The following MAP7D1 variants were observed in gnomAD, a reference collection of about 807,000 sequenced individuals.
The protein encoded by MAP7D1 is MAP7 domain-containing protein 1.
A neutral mutation model predicts 97.5 loss-of-function variants in MAP7D1; 30 were observed. The observed-to-expected ratio is 0.31, with a 90% CI of 0.23 to 0.42. MAP7D1 has a LOEUF of 0.42. Ranked by LOEUF, MAP7D1 falls within the 10% of genes least tolerant of loss-of-function variation. MAP7D1 has a pLI of 1.00. For synonymous variants in MAP7D1, 536 were observed against 477.1 expected, an observed-to-expected ratio of 1.12 and a Z score of -1.61; for missense variants, 1,184 against 1,179.5, an observed-to-expected ratio of 1.00 and a Z score of -0.06.
chr1:36,179,202 G>C, intron 12 of MAP7D1, 60 bp from the exon 13 acceptor site: 1 of 1,591,282 alleles, frequency 6.3e-7, no homozygotes, highest in Non-Finnish European at 8.6e-7. Context: ...GGTCTGGCTG[G>C]TGGGAGGTTT....
At chr1:36,168,994 G>C (rs1296840270) in intron 1 of MAP7D1, among the ~76,000 whole-genome samples, 1 of 152,198 alleles carries the variant, frequency 6.6e-6, no homozygotes, top group Non-Finnish European at 1.5e-5. Flanking sequence ...GCTCATGCCT[G>C]TAATCCCAGC....
rs886945886 is a variant in MAP7D1, at chr1:36,156,186, G to T, written c.-232G>T. 8 of 422,396 alleles carry T rather than the reference G, an allele frequency of 1.9e-5. No homozygotes were observed. In the Admixed American group the frequency reaches 2.7e-4, roughly 14 times the overall value. 26.2% of individuals were successfully genotyped at this position (422,396 alleles called of 1,614,324 possible). The stretch of plus-strand genomic sequence containing the variant: ...TTGGGCCGAGGCCGGGACTGGGCCG[G>T]CGCCGGGCGGGGAACGGGTTCGCGA... On this transcript the variant is annotated 5_prime_UTR_variant, in exon 1 of 17. Coordinates refer to ENST00000474796, the MANE Select transcript of MAP7D1 (RefSeq NM_001388490.1).
At position 36,176,428 on chromosome 1, in the gene MAP7D1, G is replaced by A. The variant is rs1191663440; in HGVS notation, c.1080G>A (p.Val360=). The A allele has an allele frequency of 6.5e-7, 1 of 1,528,212 alleles. No homozygotes were observed. The highest frequency in any genetic ancestry group is 1.9e-5 in the Admixed American group (1 of 51,714). The allele number at this position is 1,528,212 out of a possible 1,614,324, so 94.7% of individuals were successfully genotyped here. A position where few individuals can be genotyped will look rare whatever the true frequency, so the allele number is the denominator to read the frequency against. ...CTCATCCCTCTGCAGCCGTGCCGGT[G>A]TGCCCGCGCTCGGCCTCCGCCAGCC... ...DRTHPSAAVP[V]CPRSASASPL... Residue 360 remains valine (V), a synonymous_variant, in exon 7 of 17, where the codon GTG becomes GTA. Transcript: ENST00000474796. This position sits in a 1 kb window ranked among gnomAD's most constrained non-coding sequence, Gnocchi z 6.1.
At position 36,156,210 on chromosome 1, in the gene MAP7D1, G is replaced by T. The variant is rs1233724771; in HGVS notation, c.-208G>T. 2 of 430,898 alleles carry T rather than the reference G, an allele frequency of 4.6e-6. No individual in the cohort carries two copies. Among genetic ancestry groups the T allele is most frequent in the South Asian group, 5.7e-5 (1 of 17,406 alleles). The allele number at this position is 430,898 out of a possible 1,614,324, so 26.7% of individuals were successfully genotyped here. A position where few individuals can be genotyped will look rare whatever the true frequency, so the allele number is the denominator to read the frequency against. ...GGCGCCGGGCGGGGAACGGGTTCGCGACCGCAGCCGAGAGACCCCGGGCGA... is the reference window on the plus strand; with the variant it reads ...GGCGCCGGGCGGGGAACGGGTTCGCTACCGCAGCCGAGAGACCCCGGGCGA... On this transcript the variant is annotated 5_prime_UTR_variant, in exon 1 of 17. Coordinates refer to ENST00000474796, the MANE Select transcript of MAP7D1 (RefSeq NM_001388490.1).
intron 5 of MAP7D1, 49 bp downstream of exon 5, chr1:36,173,527 C>A: frequency 1.4e-6 from 2 of 1,423,200 alleles, no homozygotes; most frequent in Non-Finnish European, 1.9e-6. Flanking sequence ...GCTGGGATGG[C>A]AAGTAAGGGA....
intron 1 of MAP7D1, among the ~76,000 whole-genome samples, chr1:36,167,513 A>G (rs1367393944): frequency 1.3e-5 from 2 of 152,142 alleles, no homozygotes; most frequent in Non-Finnish European, 2.9e-5. Flanking sequence ...GGAGACGTGG[A>G]TATATTCTTC....
chr1:36,178,546 G>A lies in MAP7D1; in HGVS notation c.1836G>A (p.Glu612=). The part of the protein sequence containing the change: ...LLAEKRRQAR[E]QREREEQERR... ...CTGAGAAGCGGCGCCAGGCCCGGGA[G>A]CAGCGGGAGCGCGAGGAGCAGGAGC... is the stretch of plus-strand genomic sequence containing the variant. Residue 612 remains glutamate (E), a synonymous_variant, in exon 10 of 17, where the codon GAG becomes GAA. Transcript: ENST00000474796. 6.3e-7 allele frequency: 1 copy of A among 1,598,392 alleles called. No homozygotes were observed.
chr1:36,172,703 C>A, intron 4 of MAP7D1, 76 bp downstream of exon 4: 2 of 1,353,768 alleles, frequency 1.5e-6, no homozygotes, highest in East Asian at 5.2e-5. Flanking sequence ...GTACACACAT[C>A]CATGTTCACG....
Position 36,172,459 on chromosome 1 carries a change from C to T in MAP7D1, c.461-5C>T. On this transcript the variant is annotated splice_region_variant and splice_polypyrimidine_tract_variant and intron_variant, in intron 3 of 16. Coordinates refer to ENST00000474796, the MANE Select transcript of MAP7D1 (RefSeq NM_001388490.1). ...ACACACGCCACTGGGCTCCTTTGTC[C>T]ACAGCGGCCAAGAAGGCAGTGTGGC... 6.4e-7 allele frequency: 1 copy of T among 1,566,490 alleles called. No homozygotes were observed. The highest frequency in any genetic ancestry group is 8.7e-7 in the Non-Finnish European group (1 of 1,147,582).
rs1434242792 is a variant in MAP7D1 at position 36,156,653 on chromosome 1, TC to T, written c.46+195del. 9.3e-5 allele frequency among the ~76,000 whole-genome samples: 14 copies of T among 151,172 alleles called. 2 individuals are homozygous for T. Among genetic ancestry groups the T allele is most frequent in the Non-Finnish European group, 1.9e-4 (13 of 67,808 alleles). ...GATGCATCCTCTGACAGCTGCCCCC[TC>T]CCCCACCCCGGGTGCCGGACGCATC... is the stretch of plus-strand genomic sequence containing the variant. On this transcript the variant is annotated intron_variant, in intron 1 of 16. Transcript: ENST00000474796.
At chr1:36,180,153 G>T in intron 16 of MAP7D1, 86 bp downstream of exon 16, 1 of 1,610,578 alleles carries the variant, frequency 6.2e-7, no homozygotes, top group Non-Finnish European at 8.5e-7. Flanking sequence ...TTCTGGCTCT[G>T]CCAGGCACCC....
At chr1:36,169,403 A>C (rs141745244) in intron 1 of MAP7D1, among the ~76,000 whole-genome samples, 1,667 of 152,024 alleles carry the variant, frequency 0.011, 36 homozygotes, top group African/African-American at 0.038. Flanking sequence ...AAAAATACAA[A>C]AAATTAGCCA....
Position 36,165,605 on chromosome 1 carries a change from T to C in MAP7D1, c.47-5366T>C, listed in dbSNP as rs556117197. On this transcript the variant is annotated intron_variant, in intron 1 of 16. Transcript: ENST00000474796. ...TAATTTAAAAAAATTTTTTTAGAGATGGAATCTCACTATGTTGTCCAGGCT... is the reference window on the plus strand; with the variant it reads ...TAATTTAAAAAAATTTTTTTAGAGACGGAATCTCACTATGTTGTCCAGGCT... Among the ~76,000 whole-genome samples, 7 of 152,044 alleles carry C rather than the reference T, an allele frequency of 4.6e-5. No homozygotes were observed. In the East Asian group the frequency reaches 7.7e-4, roughly 17 times the overall value.
At chr1:36,161,291 T>C (rs773353666) in intron 1 of MAP7D1, among the ~76,000 whole-genome samples, 3 of 152,006 alleles carry the variant, frequency 2.0e-5, no homozygotes, top group Non-Finnish European at 4.4e-5. Context: ...CCCCTAAGGG[T>C]CCCTCCTCTC....
rs761714814 is a variant in MAP7D1 at position 36,178,120 on chromosome 1, G to T, written c.1627G>T (p.Ala543Ser). ...ASNEKESAAP[A>S]SPAPSPAPSP... ...TAACGAGAAGGAGTCAGCAGCCCCAGCCTCACCGGCACCTTCGCCGGCGCC... is the reference window on the plus strand; with the variant it reads ...TAACGAGAAGGAGTCAGCAGCCCCATCCTCACCGGCACCTTCGCCGGCGCC... Residue 543 changes from alanine (A) to serine (S), a missense_variant, in exon 9 of 17, where the codon GCC becomes TCC. By Grantham distance (99) the Ala-to-Ser change is moderately conservative. Coordinates refer to ENST00000474796, the MANE Select transcript of MAP7D1 (RefSeq NM_001388490.1). 3.8e-6 allele frequency: 6 copies of T among 1,594,164 alleles called. No individual in the cohort carries two copies. Among genetic ancestry groups the T allele is most frequent in the Non-Finnish European group, 5.1e-6 (6 of 1,171,422 alleles).
chr1:36,168,363 G>A (rs1423186882), intron 1 of MAP7D1, among the ~76,000 whole-genome samples: 3 of 151,692 alleles, frequency 2.0e-5, no homozygotes, highest in Admixed American at 6.6e-5. Context: ...TCACTTTGCA[G>A]GTTGGGCCTT....
intron 6 of MAP7D1, among the ~76,000 whole-genome samples, chr1:36,175,253 G>A (rs1644602442): frequency 6.6e-6 from 1 of 152,270 alleles, no homozygotes; most frequent in East Asian, 1.9e-4. Context: ...CAGAGGGCAG[G>A]AAGCCTGGCA....
rs1370461622 is a variant in MAP7D1, at chr1:36,179,743, G to A, written c.2305G>A (p.Glu769Lys). 6.6e-7 allele frequency: 1 copy of A among 1,523,978 alleles called. No individual in the cohort carries two copies. The highest frequency in any genetic ancestry group is 8.8e-7 in the Non-Finnish European group (1 of 1,138,076). The allele number at this position is 1,523,978 out of a possible 1,614,324, so 94.4% of individuals were successfully genotyped here. ...GCAGAAAGAGGAGCCCATCCCACAG[G>A]AGCCTCAGTGGAGGTACCAGCTTCC... The part of the protein sequence containing the change: ...AVQKEEPIPQ[E>K]PQWSLPSKEL... Residue 769 changes from glutamate to lysine, a missense_variant, in exon 15 of 17, where the codon GAG becomes AAG. Glu to Lys is a moderately conservative substitution (Grantham distance 56). Transcript: ENST00000474796.
chr1:36,157,551 C>T (rs1209443700), intron 1 of MAP7D1, among the ~76,000 whole-genome samples: 4 of 152,280 alleles, frequency 2.6e-5, no homozygotes, highest in Admixed American at 6.5e-5. Flanking sequence ...ATTTCTCTTT[C>T]TTCCTGGAAG....
Sources: allele counts gnomAD v4.1 joint callset (sites outside exome capture counted in the v4.1 genomes callset), GRCh38; gene constraint gnomAD v4.1.1; non-coding constraint Gnocchi (gnomAD v3.1); transcripts MANE v1.5; gene names NCBI Gene and HGNC (gene_info 2026-07-23, HGNC 2026-07-21).